LRGUK: variants seen among roughly 807,000 people sequenced by gnomAD.
LRGUK encodes leucine-rich repeat and guanylate kinase domain-containing protein.
In LRGUK, 65 loss-of-function variants were observed where a neutral mutation model predicts 76.0. That is an observed-to-expected ratio of 0.85 (90% CI 0.70 to 1.05). The LOEUF is 1.05. LRGUK is among the 50% of genes least tolerant of loss of function. LRGUK has a pLI of 0.00. For synonymous variants in LRGUK, 268 were observed against 265.6 expected (o/e 1.01, Z -0.09); for missense variants, 758 against 732.8 (o/e 1.03, Z -0.40).
chr7:134,141,380 C>T (rs970042032), intron 3 of LRGUK, among the ~76,000 whole-genome samples: 1 of 152,096 alleles, frequency 6.6e-6, no homozygotes, highest in Non-Finnish European at 1.5e-5. Flanking sequence ...TTCGAATAAG[C>T]TCCTGGATGA....
At chr7:134,240,671 G>A (rs376162488) in intron 16 of LRGUK, among the ~76,000 whole-genome samples, 2 of 152,166 alleles carry the variant, frequency 1.3e-5, no homozygotes, top group South Asian at 4.1e-4. Flanking sequence ...TAGCGAGGCA[G>A]GCCAACATTC....
chr7:134,269,831 A>C, the LRGUK span, among the ~76,000 whole-genome samples: 1 of 152,330 alleles, frequency 6.6e-6, no homozygotes, highest in African/African-American at 2.4e-5. Flanking sequence ...GAAATCTATC[A>C]TAATAATAGG....
intron 15 of LRGUK, among the ~76,000 whole-genome samples, chr7:134,217,098 C>T (rs1202083749): frequency 1.3e-5 from 2 of 149,978 alleles, no homozygotes; most frequent in Non-Finnish European, 3.0e-5. Flanking sequence ...TTTACCTGTT[C>T]TATGTGTTTT....
intron 12 of LRGUK, among the ~76,000 whole-genome samples, 162 bp from the exon 13 acceptor site, chr7:134,196,830 G>A (rs898532823): frequency 1.3e-5 from 2 of 151,978 alleles, no homozygotes; most frequent in African/African-American, 4.8e-5. Flanking sequence ...CTCTGTCACA[G>A]TTTGAAATTA....
At position 134,150,139 on chromosome 7, in the gene LRGUK, G is replaced by A. The variant is rs1171216200; in HGVS notation, c.670+1820G>A. On this transcript the variant is annotated intron_variant, in intron 5 of 15. Transcript: ENST00000645682. Reference sequence around the variant, plus strand: ...AAATACAAAAAATTAGCCAGGCGTGGTGGCGGGCACCTGTAGTCCCAGCTA... The same window carrying A: ...AAATACAAAAAATTAGCCAGGCGTGATGGCGGGCACCTGTAGTCCCAGCTA... Among the ~76,000 whole-genome samples the A allele has an allele frequency of 2.6e-5, 4 of 152,218 alleles. No individual in the cohort carries two copies. The East Asian group carries it at 7.7e-4, about 29-fold the overall frequency.
exon 20 of LRGUK, chr7:134,263,971 G>A (rs139686578): frequency 7.5e-6 from 12 of 1,608,650 alleles, no homozygotes; most frequent in Non-Finnish European, 1.0e-5. Context: ...CAGGGCCGCA[G>A]GTAGACTAGC....
chr7:134,142,917 A>G (rs575648993), intron 3 of LRGUK, 145 bp from the exon 4 acceptor site: 1 of 545,686 alleles, frequency 1.8e-6, no homozygotes, highest in African/African-American at 2.0e-5. Context: ...TCCTGATTTT[A>G]TTCCTTTCAC....
downstream of LRGUK, among the ~76,000 whole-genome samples, chr7:134,212,607 G>T (rs1339654837): frequency 2.0e-5 from 3 of 152,172 alleles, no homozygotes; most frequent in East Asian, 5.8e-4. Context: ...TATCTGATTT[G>T]TCCATGATGA....
intron 7 of LRGUK, among the ~76,000 whole-genome samples, chr7:134,168,091 C>G (rs1228858336): frequency 6.6e-6 from 1 of 152,148 alleles, no homozygotes; most frequent in Admixed American, 6.5e-5. Context: ...GGCATGGTGA[C>G]TCACATCTGT....
the LRGUK span, among the ~76,000 whole-genome samples, chr7:134,272,358 T>A: frequency 6.6e-6 from 1 of 152,146 alleles, no homozygotes; most frequent in African/African-American, 2.4e-5. Flanking sequence ...GGTCAAAAAA[T>A]TTCTCACTGT....
At chr7:134,143,780 A>C (rs957094513) in intron 4 of LRGUK, among the ~76,000 whole-genome samples, 4 of 152,324 alleles carry the variant, frequency 2.6e-5, no homozygotes, top group African/African-American at 7.2e-5. Context: ...ATAGTTTGCT[A>C]TGCCCTAGAG....
intron 16 of LRGUK, among the ~76,000 whole-genome samples, chr7:134,235,368 G>GA (rs1801988818): frequency 6.6e-6 from 1 of 151,566 alleles, no homozygotes; most frequent in South Asian, 2.1e-4. Context: ...CTTCTTTCTG[G>GA]AACACTCTTT....
At chr7:134,260,907 A>T (rs1802707136) in intron 19 of LRGUK, among the ~76,000 whole-genome samples, 3 of 152,168 alleles carry the variant, frequency 2.0e-5, no homozygotes, top group Admixed American at 2.0e-4. Flanking sequence ...TCTGGTTTAT[A>T]GAAGGGGACT....
chr7:134,154,675 T>A (rs1435217264), intron 5 of LRGUK, among the ~76,000 whole-genome samples: 1 of 152,266 alleles, frequency 6.6e-6, no homozygotes, highest in African/African-American at 2.4e-5. Context: ...AGGCAACTCC[T>A]GCTCCTTTGC....
At chr7:134,253,254 T>C (rs1162777944) in intron 18 of LRGUK, among the ~76,000 whole-genome samples, 1 of 152,124 alleles carries the variant, frequency 6.6e-6, no homozygotes, top group East Asian at 1.9e-4. Context: ...GACAGAACTA[T>C]GAATACAAAG....
At chr7:134,261,930 A>G (rs1330579257) in intron 19 of LRGUK, among the ~76,000 whole-genome samples, 1 of 152,214 alleles carries the variant, frequency 6.6e-6, no homozygotes, top group African/African-American at 2.4e-5. Flanking sequence ...CCTATGTGCC[A>G]TAGTTTACTT....
exon 19 of LRGUK, chr7:134,258,399 C>A (rs113393042): frequency 6.2e-7 from 1 of 1,613,608 alleles, no homozygotes; most frequent in South Asian, 1.1e-5. Flanking sequence ...CGAAGAGACC[C>A]GGAAAGGTAT....
At chr7:134,178,703 T>A in intron 10 of LRGUK, 94 bp downstream of exon 10, 1 of 873,808 alleles carries the variant, frequency 1.1e-6, no homozygotes, top group Non-Finnish European at 1.7e-6. Context: ...GACCCCTTTA[T>A]TTCCTATAAA....
At chr7:134,210,694 G>A (rs918090543), downstream of LRGUK, among the ~76,000 whole-genome samples, 3 of 152,146 alleles carry the variant, frequency 2.0e-5, no homozygotes, top group Non-Finnish European at 2.9e-5. Context: ...AGATTGCTTC[G>A]CAATCCCCAG....
Sources: allele counts gnomAD v4.1 joint callset (sites outside exome capture counted in the v4.1 genomes callset), GRCh38; gene constraint gnomAD v4.1.1; transcripts MANE v1.5; gene names NCBI Gene and HGNC (gene_info 2026-07-23, HGNC 2026-07-21).